The following ATP2A2 variants were observed in gnomAD, a reference collection of about 807,000 sequenced individuals.
ATP2A2 encodes ATPase sarcoplasmic/endoplasmic reticulum Ca2+ transporting 2.
In ATP2A2, 14 loss-of-function variants were observed where a neutral mutation model predicts 109.3. The ratio of observed to expected loss-of-function variants is 0.13; its 90% CI spans 0.08 to 0.20. The LOEUF (loss-of-function observed/expected upper bound fraction) is 0.20. Among genes scored for constraint, ATP2A2 ranks in the 10% least tolerant of loss-of-function variants. The pLI, the probability that ATP2A2 is intolerant of heterozygous loss-of-function variation, is 1.00. For synonymous variants in ATP2A2, 506 were observed against 490.9 expected (o/e 1.03, Z -0.41); for missense variants, 657 against 1,321.6 (o/e 0.50, Z 7.80).
rs1170185232 is a variant in ATP2A2, at chr12:110,287,395, A to T, written c.219+4600A>T. ...ACTCTATCCCTACTCTATTTTTAAC[A>T]GTTTAATGTAGTTGAGTGTTCATTA... On this transcript the variant is annotated intron_variant, in intron 3 of 19. Transcript: ENST00000539276. Among the ~76,000 whole-genome samples, 8 of 152,318 alleles carry T rather than the reference A, an allele frequency of 5.3e-5. No homozygotes were observed. The East Asian group carries it at 1.5e-3, about 29-fold the overall frequency.
intron 3 of ATP2A2, 88 bp downstream of exon 3, chr12:110,282,883 G>A: frequency 8.7e-7 from 1 of 1,153,390 alleles, no homozygotes; most frequent in East Asian, 2.5e-5. Flanking sequence ...TCCATTGGGT[G>A]AAAACATATT....
chr12:110,332,631 G>C lies in ATP2A2; in HGVS notation c.1130G>C (p.Cys377Ser). Residue 377 changes from cysteine to serine, a missense_variant, in exon 9 of 20, where the codon TGT (cysteine) becomes TCT (serine). This residue lies in a region of ATP2A2 where 46 missense variants were observed against 62.0 expected (regional missense o/e 0.74). Coordinates refer to ENST00000539276, the MANE Select transcript of ATP2A2 (RefSeq NM_170665.4). ...FILDRVEGDT[C>S]SLNEFTITGS... ...CTGGACAGAGTGGAAGGTGATACTT[G>C]TTCCCTTAATGAGTTTACCATAACT... 1.2e-6 allele frequency: 2 copies of C among 1,613,736 alleles called. No individual in the cohort carries two copies. The highest frequency in any genetic ancestry group is 1.7e-6 in the Non-Finnish European group (2 of 1,179,642).
At chr12:110,326,321 G>T in intron 6 of ATP2A2, 69 bp from the exon 7 acceptor site, 1 of 1,409,262 alleles carries the variant, frequency 7.1e-7, no homozygotes. Flanking sequence ...GGGTGGGCAT[G>T]AATGAGAGGT....
rs372113582 is a variant in ATP2A2 at position 110,349,507 on chromosome 12, T to C, written c.*3037T>C. The C allele has an allele frequency of 3.0e-6, 3 of 985,938 alleles. No individual in the cohort carries two copies. The highest frequency in any genetic ancestry group is 3.6e-6 in the Non-Finnish European group (3 of 830,392). 61.1% of individuals were successfully genotyped at this position (985,938 alleles called of 1,614,324 possible). A position where few individuals can be genotyped will look rare whatever the true frequency, so the allele number is the denominator to read the frequency against. On this transcript the variant is annotated 3_prime_UTR_variant, in exon 20 of 20. Transcript: ENST00000539276. ...TCTGCAGAATGCAGATGATCCATTCTGGAGGAAGCTGTCCCTTGAGCTCAG... is the reference window on the plus strand; with the variant it reads ...TCTGCAGAATGCAGATGATCCATTCCGGAGGAAGCTGTCCCTTGAGCTCAG...
Position 110,350,049 on chromosome 12 carries a change from CTT to C in ATP2A2, c.*3581_*3582del. 3 of 1,419,272 alleles carry C rather than the reference CTT, an allele frequency of 2.1e-6. No individual in the cohort carries two copies. The highest frequency in any genetic ancestry group is 1.8e-6 in the Non-Finnish European group (2 of 1,091,482). 87.9% of individuals were successfully genotyped at this position (1,419,272 alleles called of 1,614,324 possible). A position where few individuals can be genotyped will look rare whatever the true frequency, so the allele number is the denominator to read the frequency against. On this transcript the variant is annotated 3_prime_UTR_variant, in exon 20 of 20. Coordinates refer to ENST00000539276, the MANE Select transcript of ATP2A2 (RefSeq NM_170665.4). ...GCCTCATGGGGTTTTCCTCCAGAGC[CTT>C]TATTCTGTAGCCAGACGACACGAGG...
In ATP2A2 at chr12:110,350,711, C is replaced by T; in HGVS notation, c.*4241C>T. 1 of 252,304 alleles carries T rather than the reference C, an allele frequency of 4.0e-6. No homozygotes were observed. Among genetic ancestry groups the T allele is most frequent in the Non-Finnish European group, 7.7e-6 (1 of 129,336 alleles). 15.6% of individuals were successfully genotyped at this position (252,304 alleles called of 1,614,324 possible). Reference sequence around the variant, plus strand: ...CCTTCGGTTGTAAGTAGCCAGATCCCTCTCCAGTGACATTGGAACATGCTA... The same window carrying T: ...CCTTCGGTTGTAAGTAGCCAGATCCTTCTCCAGTGACATTGGAACATGCTA... On this transcript the variant is annotated 3_prime_UTR_variant, in exon 20 of 20. Transcript: ENST00000539276.
In ATP2A2 at chr12:110,348,306, T is replaced by G. The variant is rs1475379303; in HGVS notation, c.*1836T>G. 2 of 985,198 alleles carry G rather than the reference T, an allele frequency of 2.0e-6. No individual in the cohort carries two copies. Among genetic ancestry groups the G allele is most frequent in the African/African-American group, 3.5e-5 (2 of 57,180 alleles). 61.0% of individuals were successfully genotyped at this position (985,198 alleles called of 1,614,324 possible). A position where few individuals can be genotyped will look rare whatever the true frequency, so the allele number is the denominator to read the frequency against. ...GGTCTTGTCCTTGGTGGCTAAGACT[T>G]AGCTCTGCAGGGGATGTTAAAGCAC... On this transcript the variant is annotated 3_prime_UTR_variant, in exon 20 of 20. Coordinates refer to ENST00000539276, the MANE Select transcript of ATP2A2 (RefSeq NM_170665.4).
rs1180435990 is a variant in ATP2A2 at position 110,347,783 on chromosome 12, T to C, written c.*1313T>C. 2.8e-6 allele frequency: 3 copies of C among 1,060,520 alleles called. No individual in the cohort carries two copies. The highest frequency in any genetic ancestry group is 3.4e-6 in the Non-Finnish European group (3 of 874,132). The allele number at this position is 1,060,520 out of a possible 1,614,324, so 65.7% of individuals were successfully genotyped here. ...TTCCTCCAATGCCTTCCAACATCCA[T>C]CAACTAACGTGAGTATTTTCTTCCT... On this transcript the variant is annotated 3_prime_UTR_variant, in exon 20 of 20. Transcript: ENST00000539276.
At position 110,340,538 on chromosome 12, in the gene ATP2A2, CAAA is replaced by C. The variant is rs936356149; in HGVS notation, c.1762-110_1762-108del. 1,547 of 911,958 alleles carry C rather than the reference CAAA, an allele frequency of 1.7e-3. 4 individuals are homozygous for C. In the African/African-American group the frequency reaches 0.032, roughly 19 times the overall value. 56.5% of individuals were successfully genotyped at this position (911,958 alleles called of 1,614,324 possible). A position where few individuals can be genotyped will look rare whatever the true frequency, so the allele number is the denominator to read the frequency against. ...GGGCAACAAGAGCGAAACTCCGCCT[CAAA>C]AAAAAAAAAAGAAAAAAAATGCAGA... On this transcript the variant is annotated intron_variant, in intron 13 of 19. Coordinates refer to ENST00000539276, the MANE Select transcript of ATP2A2 (RefSeq NM_170665.4). The surrounding 1 kb of genome is among the most constrained non-coding windows in gnomAD (Gnocchi z 6.0).
chr12:110,289,755 CT>C (rs1307781196), intron 3 of ATP2A2, among the ~76,000 whole-genome samples: 1 of 151,922 alleles, frequency 6.6e-6, no homozygotes, highest in African/African-American at 2.4e-5. Flanking sequence ...AAAATTCGAC[CT>C]CCAAGATTAA....
At chr12:110,282,008 C>G in intron 1 of ATP2A2, 101 bp downstream of exon 1, 1 of 917,988 alleles carries the variant, frequency 1.1e-6, no homozygotes, top group Non-Finnish European at 1.5e-6. Context: ...TCCGCGCCCG[C>G]CGACAGCTGC....
intron 5 of ATP2A2, among the ~76,000 whole-genome samples, chr12:110,309,811 TGGGA>T (rs1271844566): frequency 6.6e-6 from 1 of 150,866 alleles, no homozygotes; most frequent in Non-Finnish European, 1.5e-5. Context: ...AAAGCTGAGG[TGGGA>T]GGATCACCTG....
Position 110,348,164 on chromosome 12 carries a change from C to T in ATP2A2, c.*1694C>T, listed in dbSNP as rs1592872500. On this transcript the variant is annotated 3_prime_UTR_variant, in exon 20 of 20. Transcript: ENST00000539276. ...CAGGAGTCATCCCAGAACATTGCTA[C>T]TTATTTATTAAAAAGCTAAAAACTA... is the stretch of plus-strand genomic sequence containing the variant. 2 of 985,446 alleles carry T rather than the reference C, an allele frequency of 2.0e-6. No individual in the cohort carries two copies. The highest frequency in any genetic ancestry group is 9.4e-5 in the South Asian group (2 of 21,286). The allele number at this position is 985,446 out of a possible 1,614,324, so 61.0% of individuals were successfully genotyped here. A position where few individuals can be genotyped will look rare whatever the true frequency, so the allele number is the denominator to read the frequency against.
chr12:110,289,122 A>G (rs1031290817), intron 3 of ATP2A2, among the ~76,000 whole-genome samples: 2 of 152,192 alleles, frequency 1.3e-5, no homozygotes, highest in Non-Finnish European at 2.9e-5. Context: ...TCTAGCTATC[A>G]GGGGATGTTG....
At chr12:110,318,575 G>A (rs1876910148) in intron 5 of ATP2A2, among the ~76,000 whole-genome samples, 1 of 152,142 alleles carries the variant, frequency 6.6e-6, no homozygotes, top group Non-Finnish European at 1.5e-5. Context: ...CAAGGCTCAA[G>A]CGATAGTCTT....
rs1157917589 is a variant in ATP2A2, at chr12:110,347,029, A to AC, written c.*563dup. 2 of 379,024 alleles carry AC rather than the reference A, an allele frequency of 5.3e-6. No individual in the cohort carries two copies. Among genetic ancestry groups the AC allele is most frequent in the East Asian group, 2.1e-4 (1 of 4,748 alleles). The allele number at this position is 379,024 out of a possible 1,614,324, so 23.5% of individuals were successfully genotyped here. A position where few individuals can be genotyped will look rare whatever the true frequency, so the allele number is the denominator to read the frequency against. ...CTTTGGCCTCCGTTCACCCCACCCC[A>AC]CCCCACCTCTCCCCACCTTACCCCC... On this transcript the variant is annotated 3_prime_UTR_variant, in exon 20 of 20. Transcript: ENST00000539276.
chr12:110,291,628 T>A (rs939887202), intron 3 of ATP2A2, among the ~76,000 whole-genome samples: 54 of 151,190 alleles, frequency 3.6e-4, no homozygotes, highest in African/African-American at 1.3e-3. Flanking sequence ...ATAATCCCTT[T>A]AGTGCTAGCC....
chr12:110,287,933 C>T (rs908281318), intron 3 of ATP2A2, among the ~76,000 whole-genome samples: 1 of 150,746 alleles, frequency 6.6e-6, no homozygotes, highest in Non-Finnish European at 1.5e-5. Flanking sequence ...TCCTTTTACA[C>T]ACTGTTTAAA....
Position 110,340,515 on chromosome 12 carries a change from G to A in ATP2A2, c.1762-144G>A. 1.1e-6 allele frequency: 1 copy of A among 914,400 alleles called. No homozygotes were observed. The highest frequency in any genetic ancestry group is 1.7e-5 in the South Asian group (1 of 58,916). The allele number at this position is 914,400 out of a possible 1,614,324, so 56.6% of individuals were successfully genotyped here. On this transcript the variant is annotated intron_variant, in intron 13 of 19. Coordinates refer to ENST00000539276, the MANE Select transcript of ATP2A2 (RefSeq NM_170665.4). The surrounding 1 kb of genome is among the most constrained non-coding windows in gnomAD (Gnocchi z 6.0). Reference sequence around the variant, plus strand: ...ATTGCGCCATGGCACTCCAGCCTGGGCAACAAGAGCGAAACTCCGCCTCAA... The same window carrying A: ...ATTGCGCCATGGCACTCCAGCCTGGACAACAAGAGCGAAACTCCGCCTCAA...
Sources: allele counts gnomAD v4.1 joint callset (sites outside exome capture counted in the v4.1 genomes callset), GRCh38; gene constraint gnomAD v4.1.1; regional missense constraint gnomAD v4.1.1; non-coding constraint Gnocchi (gnomAD v3.1); transcripts MANE v1.5; gene names NCBI Gene and HGNC (gene_info 2026-07-23, HGNC 2026-07-21).